ERN1: variants seen among roughly 807,000 people sequenced by gnomAD.
The protein encoded by ERN1 is serine/threonine-protein kinase/endoribonuclease IRE1.
ERN1 carries 39 observed loss-of-function variants against 113.1 expected under a neutral mutation model. The ratio of observed to expected loss-of-function variants is 0.34; its 90% CI spans 0.27 to 0.45. The LOEUF (loss-of-function observed/expected upper bound fraction) is 0.45. Among genes scored for constraint, ERN1 ranks in the 20% least tolerant of loss-of-function variants. ERN1 has a pLI of 1.00. For synonymous variants in ERN1, 507 were observed against 515.9 expected (o/e 0.98, Z 0.23); for missense variants, 976 against 1,274.8 (o/e 0.77, Z 3.57).
intron 2 of ERN1, among the ~76,000 whole-genome samples, chr17:64,088,359 CAGTT>C (rs1398037210): frequency 6.6e-6 from 1 of 152,160 alleles, no homozygotes; most frequent in Non-Finnish European, 1.5e-5. Flanking sequence ...TATTACCACA[CAGTT>C]AGAAAGTCCC....
At chr17:64,088,989 G>A (rs1344397598) in intron 2 of ERN1, among the ~76,000 whole-genome samples, 2 of 152,124 alleles carry the variant, frequency 1.3e-5, no homozygotes, top group African/African-American at 4.8e-5. Context: ...GATGTGGAAT[G>A]TTGGTCACTA....
At chr17:64,058,259 G>A (rs1316886310) in intron 11 of ERN1, among the ~76,000 whole-genome samples, 1 of 152,134 alleles carries the variant, frequency 6.6e-6, no homozygotes, top group Non-Finnish European at 1.5e-5. Context: ...GGTGTCTTCA[G>A]ACCCTACATA....
At chr17:64,114,158 T>G (rs992801206) in intron 1 of ERN1, among the ~76,000 whole-genome samples, 11 of 151,440 alleles carry the variant, frequency 7.3e-5, no homozygotes, top group Admixed American at 7.2e-4. Flanking sequence ...GTAAGCATCA[T>G]GTAAGTGTCA....
At chr17:64,075,102 T>A (rs1025076465) in intron 5 of ERN1, 73 bp downstream of exon 5, 1 of 1,279,810 alleles carries the variant, frequency 7.8e-7, no homozygotes, top group Non-Finnish European at 1.1e-6. Context: ...GCCCTCTCTC[T>A]CCGCATGCCA....
At chr17:64,045,242 C>T in intron 20 of ERN1, 117 bp downstream of exon 20, 3 of 1,226,810 alleles carry the variant, frequency 2.4e-6, no homozygotes, top group Non-Finnish European at 3.5e-6. Flanking sequence ...AAGTCTCAAA[C>T]CTGACAGGTG....
chr17:64,080,896 C>G (rs750027847), intron 2 of ERN1, 88 bp from the exon 3 acceptor site: 13 of 1,344,010 alleles, frequency 9.7e-6, no homozygotes, highest in Non-Finnish European at 1.4e-5. Context: ...CCAAGTTGTA[C>G]CGGTAATAAC....
At chr17:64,072,142 T>A (rs774294977) in intron 5 of ERN1, 39 bp from the exon 6 acceptor site, 2 of 1,606,696 alleles carry the variant, frequency 1.2e-6, no homozygotes, top group East Asian at 4.5e-5. Context: ...TTACACCATA[T>A]GGAAAAAAGT....
chr17:64,083,935 C>G (rs555999458), intron 2 of ERN1, among the ~76,000 whole-genome samples: 1 of 152,270 alleles, frequency 6.6e-6, no homozygotes, highest in East Asian at 1.9e-4. Flanking sequence ...ATTTCTGTCC[C>G]CAAAAGCAGT....
chr17:64,122,435 G>A (rs1914978651), intron 1 of ERN1, among the ~76,000 whole-genome samples: 1 of 152,168 alleles, frequency 6.6e-6, no homozygotes, highest in African/African-American at 2.4e-5. Context: ...ATGGCCGAGA[G>A]CCCATCAAGC....
intron 1 of ERN1, among the ~76,000 whole-genome samples, chr17:64,109,090 C>A (rs1914607812): frequency 6.6e-6 from 1 of 151,770 alleles, no homozygotes; most frequent in Non-Finnish European, 1.5e-5. Flanking sequence ...CACCATTGCA[C>A]TCCAGCCTGG....
In ERN1 at chr17:64,040,249, T is replaced by C. The variant is rs1434321134; in HGVS notation, c.*3739A>G. 6.6e-6 allele frequency: 1 copy of C among 152,268 alleles called. No individual in the cohort carries two copies. The highest frequency in any genetic ancestry group is 1.5e-5 in the Non-Finnish European group (1 of 68,100). The allele number at this position is 152,268 out of a possible 1,614,324, so 9.4% of individuals were successfully genotyped here. On this transcript the variant is annotated 3_prime_UTR_variant, in exon 22 of 22. Transcript: ENST00000433197. ...AGAGGCTCCTTCCAGGGCGCTGGGC[T>C]TCTCTTCCAGCACAGAAGGCTGCAA...
intron 1 of ERN1, among the ~76,000 whole-genome samples, chr17:64,114,574 G>A (rs1034995566): frequency 1.1e-4 from 16 of 152,338 alleles, no homozygotes; most frequent in African/African-American, 3.4e-4. Context: ...TATGGGACAC[G>A]GTGAGGTTGG....
intron 19 of ERN1, among the ~76,000 whole-genome samples, chr17:64,046,565 GAA>G (rs1400867552): frequency 3.9e-5 from 6 of 152,240 alleles, no homozygotes; most frequent in Non-Finnish European, 7.3e-5. Context: ...CTACAACATG[GAA>G]GACAGCATTA....
At chr17:64,127,968 C>T (rs1401736859) in intron 1 of ERN1, among the ~76,000 whole-genome samples, 1 of 151,578 alleles carries the variant, frequency 6.6e-6, no homozygotes, top group Non-Finnish European at 1.5e-5. Flanking sequence ...GGGGTAAAAA[C>T]CCTTGGGAGA....
At chr17:64,061,260 G>A (rs550394182) in intron 10 of ERN1, among the ~76,000 whole-genome samples, 3 of 152,316 alleles carry the variant, frequency 2.0e-5, no homozygotes, top group Admixed American at 2.0e-4. Flanking sequence ...AGGGAACTGG[G>A]ATTTGATAGG....
Position 64,052,529 on chromosome 17 carries a change from C to G in ERN1, c.2253+251G>C, listed in dbSNP as rs1912716994. ...CAAAAAAAACAAAAAAACAGCCAAC[C>G]AACCAAACAAAAAAAAAAAACAAGT... On this transcript the variant is annotated intron_variant, in intron 17 of 21. Transcript: ENST00000433197. 1.3e-4 allele frequency among the ~76,000 whole-genome samples: 4 copies of G among 30,372 alleles called. No individual in the cohort carries two copies. In the Admixed American group the frequency reaches 1.6e-3, roughly 12 times the overall value. The allele number at this position is 30,372 out of a possible 152,430, so 19.9% of individuals were successfully genotyped here.
At chr17:64,066,963 A>C (rs1414581607) in intron 7 of ERN1, 31 bp from the exon 8 acceptor site, 1 of 1,600,456 alleles carries the variant, frequency 6.2e-7, no homozygotes, top group Admixed American at 1.7e-5. Flanking sequence ...AAGCATGCTG[A>C]GTCTCACCCC....
intron 1 of ERN1, among the ~76,000 whole-genome samples, chr17:64,120,223 T>C (rs1330482330): frequency 1.3e-5 from 2 of 152,152 alleles, no homozygotes; most frequent in Admixed American, 6.5e-5. Flanking sequence ...CTAGCCACAG[T>C]TGTGGCCCCC....
chr17:64,084,430 A>T (rs1913862658), intron 2 of ERN1, among the ~76,000 whole-genome samples: 1 of 152,140 alleles, frequency 6.6e-6, no homozygotes, highest in African/African-American at 2.4e-5. Context: ...CTTTGGAATC[A>T]GACAAACCAA....
Sources: gnomAD v4.1 joint callset for allele counts (sites outside exome capture counted in the v4.1 genomes callset) on GRCh38, gnomAD v4.1.1 for gene constraint, MANE v1.5 for transcripts, NCBI Gene and HGNC (gene_info 2026-07-23, HGNC 2026-07-21) for gene names.